The following CRYL1 variants were observed in gnomAD, a reference collection of about 807,000 sequenced individuals.
CRYL1 encodes lambda-crystallin homolog.
Under a neutral mutation model 36.6 loss-of-function variants are expected in CRYL1, and 29 were observed. That is an observed-to-expected ratio of 0.79 (90% CI 0.59 to 1.08). CRYL1 has a LOEUF of 1.08. CRYL1 is among the 50% of genes least tolerant of loss of function. The pLI is 0.00. For synonymous variants in CRYL1, 152 were observed against 151.5 expected (o/e 1.00, Z -0.02); for missense variants, 411 against 407.9 (o/e 1.01, Z -0.06).
intron 2 of CRYL1, among the ~76,000 whole-genome samples, chr13:20,491,187 G>A (rs1425934897): frequency 1.3e-5 from 2 of 152,094 alleles, no homozygotes; most frequent in Admixed American, 6.5e-5. Flanking sequence ...GATTATAAGC[G>A]TGAGCCACAG....
At chr13:20,456,041 G>T (rs993560065) in intron 3 of CRYL1, among the ~76,000 whole-genome samples, 5 of 152,164 alleles carry the variant, frequency 3.3e-5, no homozygotes, top group African/African-American at 1.2e-4. Context: ...CACATGCAAA[G>T]AAATGTAACT....
chr13:20,438,921 G>A lies in CRYL1; in HGVS notation c.438+672C>T, dbSNP rs377169590. On this transcript the variant is annotated intron_variant, in intron 4 of 7. Transcript: ENST00000298248. ...CTTTCCTCACTTCAATACATTAATC[G>A]CTGAAAGATTCCTTGAGTGCTTGCA... Among the ~76,000 whole-genome samples the A allele has an allele frequency of 9.9e-4, 151 of 152,158 alleles. 1 individual carries two copies. The highest frequency in any genetic ancestry group is 3.4e-3 in the African/African-American group (141 of 41,514).
At chr13:20,434,637 G>A (rs2032167124) in intron 4 of CRYL1, among the ~76,000 whole-genome samples, 1 of 92,878 alleles carries the variant, frequency 1.1e-5, no homozygotes, top group Non-Finnish European at 2.1e-5. Context: ...ACCCCCACCT[G>A]CAGCGTTAAC....
chr13:20,443,703 T>C (rs776353935), intron 3 of CRYL1, among the ~76,000 whole-genome samples: 12 of 152,202 alleles, frequency 7.9e-5, no homozygotes, highest in Non-Finnish European at 1.8e-4. Context: ...AACCCAGGCA[T>C]TTTAAATAGG....
intron 4 of CRYL1, among the ~76,000 whole-genome samples, chr13:20,437,854 T>C (rs1378448901): frequency 3.3e-5 from 5 of 152,166 alleles, no homozygotes. Flanking sequence ...CTAGTTTTGT[T>C]TCAAACTAAC....
chr13:20,444,973 T>G (rs1223006370), intron 3 of CRYL1, among the ~76,000 whole-genome samples: 1 of 152,194 alleles, frequency 6.6e-6, no homozygotes, highest in Non-Finnish European at 1.5e-5. Context: ...CCGCCTCAGC[T>G]TCCCAAAGTG....
chr13:20,471,651 G>A (rs903359020), intron 3 of CRYL1, among the ~76,000 whole-genome samples: 10 of 151,848 alleles, frequency 6.6e-5, no homozygotes, highest in African/African-American at 2.4e-4. Flanking sequence ...TGATGCTAAT[G>A]GTTACATTAG....
chr13:20,430,120 C>T (rs2032024275), intron 5 of CRYL1: 4 of 863,920 alleles, frequency 4.6e-6, no homozygotes, highest in Non-Finnish European at 5.6e-6. Flanking sequence ...CCACCCCACC[C>T]CTGCCAGGAG....
At chr13:20,447,833 A>C (rs569992051) in intron 3 of CRYL1, among the ~76,000 whole-genome samples, 56 of 152,354 alleles carry the variant, frequency 3.7e-4, no homozygotes, top group African/African-American at 1.3e-3. Context: ...CCACAATGAA[A>C]GCAGAGCAGA....
At position 20,403,904 on chromosome 13, in the gene CRYL1, G is replaced by A. The variant is rs2031291793; in HGVS notation, c.*225C>T. 7 of 375,526 alleles carry A rather than the reference G, an allele frequency of 1.9e-5. No homozygotes were observed. Among genetic ancestry groups the A allele is most frequent in the South Asian group, 8.8e-5 (1 of 11,348 alleles). The allele number at this position is 375,526 out of a possible 1,614,324, so 23.3% of individuals were successfully genotyped here. On this transcript the variant is annotated 3_prime_UTR_variant, in exon 8 of 8. Transcript: ENST00000298248. ...TTATCTGCCCAGGTGGCAGGAAATC[G>A]ACAGCCCCGAGAACGCAAGTGCTGC...
intron 3 of CRYL1, among the ~76,000 whole-genome samples, chr13:20,456,881 C>A (rs1177853862): frequency 6.6e-6 from 1 of 151,994 alleles, no homozygotes; most frequent in Non-Finnish European, 1.5e-5. Flanking sequence ...AGGACCAGCA[C>A]CAGTCATCAG....
chr13:20,468,636 C>T (rs754718577), intron 3 of CRYL1, among the ~76,000 whole-genome samples: 4 of 152,098 alleles, frequency 2.6e-5, no homozygotes, highest in Non-Finnish European at 4.4e-5. Context: ...GGTGCAGTCT[C>T]GCTCTGTTGC....
chr13:20,437,394 A>G (rs1023553826), intron 4 of CRYL1, among the ~76,000 whole-genome samples: 18 of 147,536 alleles, frequency 1.2e-4, no homozygotes, highest in Admixed American at 4.8e-4. Flanking sequence ...TGCAAGCTCC[A>G]CCTCCTGGGT....
chr13:20,500,916 CA>C (rs1274205962), intron 2 of CRYL1, among the ~76,000 whole-genome samples: 7 of 150,040 alleles, frequency 4.7e-5, no homozygotes, highest in Admixed American at 1.3e-4. Flanking sequence ...TCAGGCATCT[CA>C]AAAAAAAAAG....
chr13:20,496,483 T>C (rs1477363868), intron 2 of CRYL1, among the ~76,000 whole-genome samples: 1 of 152,220 alleles, frequency 6.6e-6, no homozygotes, highest in Non-Finnish European at 1.5e-5. Context: ...TTGGCTAGTA[T>C]ATTCCCGTTA....
chr13:20,444,253 T>C (rs1306030325), intron 3 of CRYL1, among the ~76,000 whole-genome samples: 1 of 152,232 alleles, frequency 6.6e-6, no homozygotes, highest in Non-Finnish European at 1.5e-5. Context: ...TGTTTTTTCC[T>C]TAAAAATCAA....
Position 20,444,691 on chromosome 13 carries a change from T to A in CRYL1, c.277-4937A>T, listed in dbSNP as rs147062784. Reference sequence around the variant, plus strand: ...TATAGTTTTACTGCATTTCTAGTATTTCTCATAAGGAACAAGTGAGAGTTT... The same window carrying A: ...TATAGTTTTACTGCATTTCTAGTATATCTCATAAGGAACAAGTGAGAGTTT... On this transcript the variant is annotated intron_variant, in intron 3 of 7. Transcript: ENST00000298248. Among the ~76,000 whole-genome samples, 838 of 152,376 alleles carry A rather than the reference T, an allele frequency of 5.5e-3. 7 individuals carry two copies. The highest frequency in any genetic ancestry group is 1.0e-2 in the Non-Finnish European group (679 of 68,034).
chr13:20,489,383 G>A lies in CRYL1; in HGVS notation c.263C>T (p.Ala88Val), dbSNP rs1284300424. The change falls in exon 3 of 8, where the codon GCC becomes GTC. Residue 88 changes from alanine (A) to valine (V), a missense_variant. Coordinates refer to ENST00000298248, the MANE Select transcript of CRYL1 (RefSeq NM_015974.3). ...CPNIQEAVEG[A>V]MHIQECVPED... ...TCCTTCACTCACCTGAATGTGCATG[G>A]CACCCTCTACTGCTTCTTGGATATT... is the stretch of plus-strand genomic sequence containing the variant. The A allele has an allele frequency of 1.2e-6, 2 of 1,613,290 alleles. No homozygotes were observed. Among genetic ancestry groups the A allele is most frequent in the Non-Finnish European group, 1.7e-6 (2 of 1,180,000 alleles).
intron 3 of CRYL1, 163 bp from the exon 4 acceptor site, chr13:20,439,917 G>A: frequency 1.6e-6 from 1 of 634,866 alleles, no homozygotes; most frequent in Non-Finnish European, 2.7e-6. Flanking sequence ...GAAAACAGCG[G>A]AAGCAGGGAG....
Sources: gnomAD v4.1 joint callset for allele counts (sites outside exome capture counted in the v4.1 genomes callset) on GRCh38, gnomAD v4.1.1 for gene constraint, MANE v1.5 for transcripts, NCBI Gene and HGNC (gene_info 2026-07-23, HGNC 2026-07-21) for gene names.